NEDD4L: variants seen among roughly 807,000 people sequenced by gnomAD.
NEDD4L encodes NEDD4 like E3 ubiquitin protein ligase, also known as E3 ubiquitin-protein ligase NEDD4-like.
A neutral mutation model predicts 148.9 loss-of-function variants in NEDD4L; 54 were observed. The ratio of observed to expected loss-of-function variants is 0.36; its 90% CI spans 0.29 to 0.45. The LOEUF (loss-of-function observed/expected upper bound fraction) is 0.45. Among genes scored for constraint, NEDD4L ranks in the 20% least tolerant of loss-of-function variants. The pLI is 1.00. For missense variants in NEDD4L, 856 were observed against 1,233.8 expected, an observed-to-expected ratio of 0.69 and a Z score of 4.59; for synonymous variants, 433 against 440.7, an observed-to-expected ratio of 0.98 and a Z score of 0.22.
At chr18:58,178,968 C>T (rs490271) in intron 2 of NEDD4L, among the ~76,000 whole-genome samples, 7,621 of 152,144 alleles carry the variant, frequency 0.05, 589 homozygotes, top group African/African-American at 0.17. Context: ...GCTAGTCTTA[C>T]AGCTTTATCG....
rs1420402249 is a variant in NEDD4L at position 58,334,273 on chromosome 18, C to T, written c.1065+381C>T. ...TTTAACCAGGAAGAACTCTTCTGGG[C>T]GACCGTCCACATGTTCCTTTCCCTT... is the stretch of plus-strand genomic sequence containing the variant. On this transcript the variant is annotated intron_variant, in intron 12 of 30. Coordinates refer to ENST00000400345, the MANE Select transcript of NEDD4L (RefSeq NM_001144967.3). Among the ~76,000 whole-genome samples the T allele has an allele frequency of 3.3e-5, 5 of 152,170 alleles. No individual in the cohort carries two copies. The East Asian group carries it at 9.6e-4, about 29-fold the overall frequency.
Position 58,399,454 on chromosome 18 carries a change from T to C in NEDD4L, c.*3185T>C, listed in dbSNP as rs1001361342. 2 of 152,238 alleles carry C rather than the reference T, an allele frequency of 1.3e-5. No individual in the cohort carries two copies. Among genetic ancestry groups the C allele is most frequent in the African/African-American group, 4.8e-5 (2 of 41,446 alleles). 9.4% of individuals were successfully genotyped at this position (152,238 alleles called of 1,614,324 possible). The stretch of plus-strand genomic sequence containing the variant: ...GAGGGATACAGAGCGACTTGGCATG[T>C]ATTATTTCTCCCATGTAAGGACAAA... On this transcript the variant is annotated 3_prime_UTR_variant, in exon 31 of 31. Transcript: ENST00000400345.
At chr18:58,214,668 C>T (rs1016057833) in intron 2 of NEDD4L, among the ~76,000 whole-genome samples, 4 of 148,054 alleles carry the variant, frequency 2.7e-5, no homozygotes, top group East Asian at 3.9e-4. Flanking sequence ...TTGTTTTAAA[C>T]GGGATCATGC....
chr18:58,221,707 A>G lies in NEDD4L; in HGVS notation c.123-23720A>G, dbSNP rs575494913. The G allele has an allele frequency of 1.1e-4, 109 of 985,494 alleles. 2 individuals are homozygous for G. The South Asian group carries it at 4.7e-3, about 43-fold the overall frequency. 61.0% of individuals were successfully genotyped at this position (985,494 alleles called of 1,614,324 possible). On this transcript the variant is annotated intron_variant, in intron 2 of 30. Coordinates refer to ENST00000400345, the MANE Select transcript of NEDD4L (RefSeq NM_001144967.3). ...GGTAGATTTCCAGCAGCGCTAGTCC[A>G]GCTGAACACTTTCCAGCCTTGTTTT...
At chr18:58,096,334 A>ATTATT (rs1555690129) in intron 1 of NEDD4L, among the ~76,000 whole-genome samples, 1 of 147,328 alleles carries the variant, frequency 6.8e-6, no homozygotes, top group African/African-American at 2.6e-5. Context: ...CCTTAGTGTG[A>ATTATT]TTATTTTATT....
At chr18:58,051,817 A>G (rs978183860) in intron 1 of NEDD4L, among the ~76,000 whole-genome samples, 2 of 152,256 alleles carry the variant, frequency 1.3e-5, no homozygotes, top group South Asian at 2.1e-4. Flanking sequence ...GGATTAGAAT[A>G]ATATATAAAT....
intron 1 of NEDD4L, among the ~76,000 whole-genome samples, chr18:58,127,341 G>A (rs1009037188): frequency 5.3e-5 from 8 of 152,240 alleles, no homozygotes; most frequent in Admixed American, 1.3e-4. Context: ...GGGCAGCGCT[G>A]TATTTGTTTA....
intron 1 of NEDD4L, among the ~76,000 whole-genome samples, chr18:58,076,257 T>C (rs1282046664): frequency 6.6e-6 from 1 of 152,184 alleles, no homozygotes; most frequent in Non-Finnish European, 1.5e-5. Flanking sequence ...TAATTTGAGT[T>C]GCATAAACTA....
chr18:58,253,640 A>G (rs1016984880), intron 5 of NEDD4L, among the ~76,000 whole-genome samples: 1 of 152,204 alleles, frequency 6.6e-6, no homozygotes, highest in African/African-American at 2.4e-5. Flanking sequence ...CTTATTCTCC[A>G]ATTATTGAGT....
At position 58,343,080 on chromosome 18, in the gene NEDD4L, C is replaced by A; in HGVS notation, c.1552C>A (p.His518Asn). Reference protein sequence around the residue: ...APNGRPFFIDHNTKTTTWEDP... With the variant: ...APNGRPFFIDNNTKTTTWEDP... ...AAACGGCCGGCCCTTCTTCATTGAT[C>A]ATAACACAAAGACTACAACCTGGGT... Residue 518 changes from histidine (H) to asparagine (N), a missense_variant, in exon 16 of 31, where the codon CAT (histidine) becomes AAT (asparagine). By Grantham distance (68) the His-to-Asn change is moderately conservative. Around this residue, in one of 4 missense-constraint regions of NEDD4L, gnomAD observed 367 missense variants for 422.7 expected, o/e 0.87. Coordinates refer to ENST00000400345, the MANE Select transcript of NEDD4L (RefSeq NM_001144967.3). 6.2e-7 allele frequency: 1 copy of A among 1,609,988 alleles called. No homozygotes were observed. The highest frequency in any genetic ancestry group is 8.5e-7 in the Non-Finnish European group (1 of 1,177,856).
At chr18:58,295,698 G>A (rs953632004) in intron 5 of NEDD4L, among the ~76,000 whole-genome samples, 10 of 152,066 alleles carry the variant, frequency 6.6e-5, no homozygotes, top group East Asian at 1.9e-4. Context: ...GCCGTGCTGC[G>A]TGCTCAGGTG....
chr18:58,206,794 C>T (rs1056755989), intron 2 of NEDD4L, among the ~76,000 whole-genome samples: 4 of 152,174 alleles, frequency 2.6e-5, no homozygotes, highest in African/African-American at 9.7e-5. Context: ...GCATGGTGGT[C>T]TCCTGTTCCT....
chr18:58,331,861 A>G (rs1200819450), intron 11 of NEDD4L, among the ~76,000 whole-genome samples: 5 of 152,216 alleles, frequency 3.3e-5, no homozygotes, highest in Non-Finnish European at 5.9e-5. Flanking sequence ...TGGTGTTTTT[A>G]TTTTAAAAGA....
At chr18:58,085,409 C>A (rs975770274) in intron 1 of NEDD4L, among the ~76,000 whole-genome samples, 6 of 152,078 alleles carry the variant, frequency 3.9e-5, no homozygotes, top group Admixed American at 6.5e-5. Flanking sequence ...CCGAGGGTGA[C>A]ACTGTAAAAC....
chr18:58,072,870 G>GCA (rs761077798), intron 1 of NEDD4L, among the ~76,000 whole-genome samples: 2,223 of 106,384 alleles, frequency 0.021, 20 homozygotes, highest in Non-Finnish European at 0.026. Flanking sequence ...GCGCGCGCGC[G>GCA]CGCACACACA....
Position 58,256,390 on chromosome 18 carries a change from A to C in NEDD4L, c.297+4336A>C, listed in dbSNP as rs2048569775. 1 of 1,232,220 alleles carries C rather than the reference A, an allele frequency of 8.1e-7. No individual in the cohort carries two copies. Among genetic ancestry groups the C allele is most frequent in the East Asian group, 3.2e-5 (1 of 31,706 alleles). 76.3% of individuals were successfully genotyped at this position (1,232,220 alleles called of 1,614,324 possible). ...TTGTCTTCCAGTTGCAGCAGCCCCA[A>C]CAAGGCGCTTCGGGGCCAGGCAGCG... On this transcript the variant is annotated intron_variant, in intron 5 of 30. Coordinates refer to ENST00000400345, the MANE Select transcript of NEDD4L (RefSeq NM_001144967.3). The surrounding 1 kb of genome is among the most constrained non-coding windows in gnomAD (Gnocchi z 5.2).
chr18:58,348,326 C>CTTTTTTTTTTTTTTTTTTTTTTTTTTTTT lies in NEDD4L; in HGVS notation c.1576-1188_1576-1187insTTTTTTTTTTTTTTTTTTTTTTTTTTTTT, dbSNP rs771263533. 3.8e-4 allele frequency among the ~76,000 whole-genome samples: 34 copies of CTTTTTTTTTTTTTTTTTTTTTTTTTTTTT among 88,646 alleles called. 3 individuals carry two copies. The highest frequency in any genetic ancestry group is 7.6e-4 in the African/African-American group (14 of 18,524). The allele number at this position is 88,646 out of a possible 152,430, so 58.2% of individuals were successfully genotyped here. A position where few individuals can be genotyped will look rare whatever the true frequency, so the allele number is the denominator to read the frequency against. The stretch of plus-strand genomic sequence containing the variant: ...CACTGCATTTCTTTTTCTTTTTTTT[C>CTTTTTTTTTTTTTTTTTTTTTTTTTTTTT]TTTTTTTTTTTTTTTTTTTTTTTGA... On this transcript the variant is annotated intron_variant, in intron 16 of 30. Coordinates refer to ENST00000400345, the MANE Select transcript of NEDD4L (RefSeq NM_001144967.3).
At chr18:58,142,036 C>CTTTATTTT in intron 1 of NEDD4L, among the ~76,000 whole-genome samples, 1 of 44,822 alleles carries the variant, frequency 2.2e-5, no homozygotes, top group Admixed American at 2.7e-4. Context: ...TCCAAAATTT[C>CTTTATTTT]TTTCTTTTTT....
At chr18:58,074,657 C>A (rs764558464) in intron 1 of NEDD4L, among the ~76,000 whole-genome samples, 78 of 152,082 alleles carry the variant, frequency 5.1e-4, no homozygotes, top group Non-Finnish European at 9.4e-4. Flanking sequence ...CAAAAAGTAT[C>A]TGCCTGATGG....
Sources: gnomAD v4.1 joint callset for allele counts (sites outside exome capture counted in the v4.1 genomes callset) on GRCh38, gnomAD v4.1.1 for gene constraint, gnomAD v4.1.1 regional missense constraint, Gnocchi (gnomAD v3.1) non-coding constraint, MANE v1.5 for transcripts, NCBI Gene and HGNC (gene_info 2026-07-23, HGNC 2026-07-21) for gene names.